Variants in FGF13 observed in about 807,000 individuals in gnomAD.
FGF13 encodes fibroblast growth factor 13, also known as fibroblast growth factor homologous factor 2.
Under a neutral mutation model 19.5 loss-of-function variants are expected in FGF13, and 2 were observed. That is an observed-to-expected ratio of 0.10 (90% CI 0.04 to 0.32). The LOEUF (loss-of-function observed/expected upper bound fraction) is 0.32. Ranked by LOEUF, FGF13 falls within the 10% of genes least tolerant of loss-of-function variation. The pLI, the probability that FGF13 is intolerant of heterozygous loss-of-function variation, is 1.00. For synonymous variants in FGF13, 72 were observed against 76.9 expected (o/e 0.94, Z 0.33); for missense variants, 113 against 192.7 (o/e 0.59, Z 2.45).
At chrX:138,742,607 A>C (rs1017466047), upstream of FGF13, among the ~76,000 whole-genome samples, 1 of 111,143 alleles carries the variant, frequency 9.0e-6, no homozygotes, top group Non-Finnish European at 1.9e-5. Flanking sequence ...AATCCAGTTA[A>C]ATTTTTGGCT....
chrX:139,203,379 G>C (rs2084432328), intron 1 of FGF13: 1 of 110,352 alleles, frequency 9.1e-6, no homozygotes, highest in South Asian at 3.9e-4. Context: ...CTGCCAAAGC[G>C]CAGCGCGGGC....
chrX:138,778,751 C>A (rs1239330628), intron 3 of FGF13, among the ~76,000 whole-genome samples: 1 of 112,578 alleles, frequency 8.9e-6, no homozygotes, highest in Non-Finnish European at 1.9e-5. Flanking sequence ...GGGGCGCCCG[C>A]CATTGCCCAG....
intron 3 of FGF13, among the ~76,000 whole-genome samples, chrX:138,793,268 A>G (rs2090755335): frequency 8.9e-6 from 1 of 111,982 alleles, no homozygotes; most frequent in Non-Finnish European, 1.9e-5. Flanking sequence ...TTAAGCCACC[A>G]GATTTGTGGT....
At chrX:138,760,910 A>G (rs1200183858) in intron 3 of FGF13, among the ~76,000 whole-genome samples, 5 of 111,970 alleles carry the variant, frequency 4.5e-5, no homozygotes, top group Non-Finnish European at 9.4e-5. Context: ...GAAAACAAAC[A>G]AAAAAACAAA....
chrX:138,733,207 A>C (rs1349711687), intron 1 of FGF13, among the ~76,000 whole-genome samples: 1 of 111,647 alleles, frequency 9.0e-6, no homozygotes, highest in Non-Finnish European at 1.9e-5. Context: ...TTTTAGTTGG[A>C]TCTTTGAAAC....
At chrX:139,021,024 T>G (rs940759525) in intron 1 of FGF13, among the ~76,000 whole-genome samples, 1 of 111,382 alleles carries the variant, frequency 9.0e-6, no homozygotes, top group Non-Finnish European at 1.9e-5. Context: ...ATGAAATATA[T>G]TGTAAAATAT....
chrX:138,900,175 G>A (rs2091524830), intron 1 of FGF13, among the ~76,000 whole-genome samples: 1 of 111,053 alleles, frequency 9.0e-6, no homozygotes, highest in Non-Finnish European at 1.9e-5. Context: ...GCTCCCACTG[G>A]ACTCTCAGCT....
intron 1 of FGF13, among the ~76,000 whole-genome samples, chrX:138,875,337 A>C (rs1197410880): frequency 9.0e-6 from 1 of 111,533 alleles, no homozygotes; most frequent in African/African-American, 3.3e-5. Flanking sequence ...AAACCTTGTA[A>C]CCACACCTGT....
intron 1 of FGF13, among the ~76,000 whole-genome samples, chrX:139,189,937 A>C (rs2084311829): frequency 8.9e-6 from 1 of 112,307 alleles, no homozygotes; most frequent in African/African-American, 3.2e-5. Context: ...GCTCTACTCC[A>C]AGAAAACATG....
intron 2 of FGF13, among the ~76,000 whole-genome samples, chrX:138,862,407 C>T (rs1322608881): frequency 1.8e-5 from 2 of 112,120 alleles, no homozygotes; most frequent in East Asian, 5.6e-4. Flanking sequence ...AATGGGACTA[C>T]CAATCAAAAT....
rs1241304049 is a variant in FGF13 at position 138,776,189 on chromosome X, C to A, written c.218-67261G>T. Among the ~76,000 whole-genome samples, 57 of 111,800 alleles carry A rather than the reference C, an allele frequency of 5.1e-4. 1 individual carries two copies. The Admixed American group carries it at 5.4e-3, about 11-fold the overall frequency. On this transcript the variant is annotated intron_variant, in intron 3 of 6. Transcript: ENST00000436198. ...TATTTGTGCCCACTGTCACCTAGAC[C>A]CTCTCTGACAAAAACATGGGATTGG...
At chrX:139,148,604 TAAAAAAAAA>T (rs754469846) in intron 1 of FGF13, among the ~76,000 whole-genome samples, 1 of 84,667 alleles carries the variant, frequency 1.2e-5, no homozygotes, top group African/African-American at 4.4e-5. Context: ...GCCATTGGTT[TAAAAAAAAA>T]AAAAAAAAAA....
At chrX:138,964,019 G>A (rs2091885414) in intron 1 of FGF13, among the ~76,000 whole-genome samples, 1 of 111,537 alleles carries the variant, frequency 9.0e-6, no homozygotes, top group Non-Finnish European at 1.9e-5. Context: ...CAAATAATAG[G>A]CAACTGTAAA....
chrX:139,089,413 T>C (rs1454765609), intron 1 of FGF13, among the ~76,000 whole-genome samples: 1 of 112,538 alleles, frequency 8.9e-6, no homozygotes, highest in Non-Finnish European at 1.9e-5. Context: ...AACTTTCTTG[T>C]GGCCACATTT....
intron 1 of FGF13, among the ~76,000 whole-genome samples, chrX:139,166,814 T>A (rs1391149285): frequency 8.9e-6 from 1 of 111,760 alleles, no homozygotes; most frequent in Non-Finnish European, 1.9e-5. Context: ...CAAAATAGAC[T>A]AAGACAGCCT....
chrX:138,676,715 G>A (rs1036578139), intron 3 of FGF13, among the ~76,000 whole-genome samples: 3 of 111,464 alleles, frequency 2.7e-5, no homozygotes, highest in African/African-American at 9.8e-5. Flanking sequence ...CTCCACATGT[G>A]CAGCTCACAA....
At chrX:138,813,033 C>T (rs2090937919) in intron 3 of FGF13, among the ~76,000 whole-genome samples, 1 of 112,158 alleles carries the variant, frequency 8.9e-6, no homozygotes, top group Non-Finnish European at 1.9e-5. Flanking sequence ...TGATCACATT[C>T]CCTTTTATGG....
intron 1 of FGF13, among the ~76,000 whole-genome samples, chrX:139,092,716 C>T (rs941182754): frequency 8.9e-6 from 1 of 111,938 alleles, no homozygotes; most frequent in African/African-American, 3.3e-5. Flanking sequence ...CTGATTAATT[C>T]TCCACCATGT....
chrX:138,711,042 C>G lies in FGF13; in HGVS notation c.-39G>C. ...ACCACCACCGCTTCTTTTGCTGCCC[C>G]TCTCTGGGTTCGCCTCCTCCTCCTT... On this transcript the variant is annotated 5_prime_UTR_variant, in exon 1 of 5. Coordinates refer to ENST00000315930, the MANE Select transcript of FGF13 (RefSeq NM_004114.5). 8.3e-7 allele frequency: 1 copy of G among 1,201,688 alleles called. No homozygotes were observed. The highest frequency in any genetic ancestry group is 1.1e-6 in the Non-Finnish European group (1 of 891,882).
Sources: gnomAD v4.1 joint callset for allele counts (sites outside exome capture counted in the v4.1 genomes callset) on GRCh38, gnomAD v4.1.1 for gene constraint, MANE v1.5 for transcripts, NCBI Gene and HGNC (gene_info 2026-07-23, HGNC 2026-07-21) for gene names.